The following RIMS2 variants were observed in gnomAD, a reference collection of about 807,000 sequenced individuals.
The protein encoded by RIMS2 is regulating synaptic membrane exocytosis 2, also known as regulating synaptic membrane exocytosis protein 2.
A neutral mutation model predicts 174.4 loss-of-function variants in RIMS2; 59 were observed. The ratio of observed to expected loss-of-function variants is 0.34; its 90% confidence interval spans 0.27 to 0.42. The LOEUF is 0.42. Ranked by LOEUF, RIMS2 falls within the 10% of genes least tolerant of loss-of-function variation. The probability of loss-of-function intolerance (pLI) is 1.00; values close to 1 mark genes in which losing one functional copy is unlikely to be tolerated. For missense variants in RIMS2, 1,620 were observed against 1,666.3 expected (o/e 0.97, Z 0.48); for synonymous variants, 606 against 572.5 (o/e 1.06, Z -0.84).
At chr8:103,842,969 C>A (rs2098948965) in intron 3 of RIMS2, among the ~76,000 whole-genome samples, 1 of 152,190 alleles carries the variant, frequency 6.6e-6, no homozygotes, top group Non-Finnish European at 1.5e-5. Context: ...TCTTTGTACA[C>A]AATCCTTAGT....
exon 1 of RIMS2, chr8:103,501,009 G>T: frequency 6.2e-7 from 1 of 1,611,524 alleles, no homozygotes; most frequent in Non-Finnish European, 8.5e-7. Flanking sequence ...AAATCATCCT[G>T]GCCGTCATGG....
chr8:103,678,925 CAT>C (rs1469867669), intron 1 of RIMS2, among the ~76,000 whole-genome samples: 1 of 151,832 alleles, frequency 6.6e-6, no homozygotes, highest in Non-Finnish European at 1.5e-5. Flanking sequence ...AATGCCGACA[CAT>C]GTTTTTAGGT....
intron 3 of RIMS2, among the ~76,000 whole-genome samples, chr8:103,830,884 C>G (rs762182773): frequency 6.6e-6 from 1 of 152,170 alleles, no homozygotes; most frequent in Non-Finnish European, 1.5e-5. Flanking sequence ...CCTTGGCTCA[C>G]CACAGCCTCA....
intron 19 of RIMS2, among the ~76,000 whole-genome samples, chr8:104,225,901 A>T (rs1352252806): frequency 6.6e-6 from 1 of 152,208 alleles, no homozygotes; most frequent in Non-Finnish European, 1.5e-5. Flanking sequence ...AGAAATCTTA[A>T]CTTTTTTCTT....
At chr8:103,635,338 G>T (rs1355440335) in intron 1 of RIMS2, among the ~76,000 whole-genome samples, 1 of 152,214 alleles carries the variant, frequency 6.6e-6, no homozygotes, top group Non-Finnish European at 1.5e-5. Flanking sequence ...TCTGTCCAGG[G>T]AGTTGCTGAG....
At chr8:103,684,027 T>C (rs1028193549) in intron 1 of RIMS2, among the ~76,000 whole-genome samples, 1 of 152,238 alleles carries the variant, frequency 6.6e-6, no homozygotes. Context: ...ATTTACTGGC[T>C]GACTTTAGGT....
chr8:103,606,425 G>A (rs2095084785), intron 1 of RIMS2, among the ~76,000 whole-genome samples: 1 of 151,990 alleles, frequency 6.6e-6, no homozygotes, highest in African/African-American at 2.4e-5. Context: ...TTCCAAGTAT[G>A]TGGTCAATTT....
At chr8:103,711,619 G>T (rs1192774916) in intron 2 of RIMS2, among the ~76,000 whole-genome samples, 1 of 152,154 alleles carries the variant, frequency 6.6e-6, no homozygotes, top group African/African-American at 2.4e-5. Context: ...TATCAGGCAG[G>T]TGCGGTGGCT....
chr8:103,659,525 G>A (rs561690082), intron 1 of RIMS2, among the ~76,000 whole-genome samples: 8 of 152,234 alleles, frequency 5.3e-5, no homozygotes, highest in Admixed American at 1.3e-4. Context: ...TGTTGGAGCC[G>A]GCCCCGGAGG....
intron 3 of RIMS2, among the ~76,000 whole-genome samples, chr8:103,877,926 T>C (rs901831060): frequency 1.3e-5 from 2 of 150,724 alleles, no homozygotes; most frequent in Non-Finnish European, 2.9e-5. Flanking sequence ...TGTTTTGTAG[T>C]TCTACTTGTA....
At chr8:104,004,605 A>C (rs1156463645) in intron 17 of RIMS2, among the ~76,000 whole-genome samples, 4 of 152,194 alleles carry the variant, frequency 2.6e-5, no homozygotes, top group Non-Finnish European at 4.4e-5. Context: ...ATTAGATAGC[A>C]TATGTGATAT....
chr8:104,189,416 T>G (rs1010030642), intron 19 of RIMS2, among the ~76,000 whole-genome samples: 20 of 151,778 alleles, frequency 1.3e-4, no homozygotes, highest in Non-Finnish European at 2.2e-4. Flanking sequence ...CTGCACTCAC[T>G]TAGGTGTGTC....
At chr8:104,045,651 G>A (rs951156056) in intron 19 of RIMS2, among the ~76,000 whole-genome samples, 1 of 151,752 alleles carries the variant, frequency 6.6e-6, no homozygotes, top group Non-Finnish European at 1.5e-5. Flanking sequence ...TGTCAGCTAT[G>A]TTTCTCACCA....
At chr8:103,721,712 C>G (rs940897751) in intron 2 of RIMS2, among the ~76,000 whole-genome samples, 1 of 152,156 alleles carries the variant, frequency 6.6e-6, no homozygotes, top group African/African-American at 2.4e-5. Flanking sequence ...AATACCATTC[C>G]ATCCAATCTA....
At chr8:103,645,935 G>A (rs2096320990) in intron 1 of RIMS2, among the ~76,000 whole-genome samples, 1 of 152,160 alleles carries the variant, frequency 6.6e-6, no homozygotes. Context: ...GTGCAGGTGG[G>A]CTGAGTCTGA....
intron 19 of RIMS2, among the ~76,000 whole-genome samples, chr8:104,142,729 G>A (rs2098595966): frequency 1.3e-5 from 2 of 152,052 alleles, no homozygotes; most frequent in Non-Finnish European, 2.9e-5. Flanking sequence ...CTATAATCAA[G>A]GCAGATGTTT....
At chr8:103,571,360 T>G (rs921225821) in intron 1 of RIMS2, among the ~76,000 whole-genome samples, 1 of 152,298 alleles carries the variant, frequency 6.6e-6, no homozygotes, top group South Asian at 2.1e-4. Context: ...TTTCCCACCT[T>G]AACACACACA....
chr8:103,778,749 T>A (rs2098348168), intron 3 of RIMS2, among the ~76,000 whole-genome samples: 1 of 152,194 alleles, frequency 6.6e-6, no homozygotes, highest in African/African-American at 2.4e-5. Context: ...TTAATTTCAT[T>A]TCTTTTGGAT....
chr8:103,752,103 C>A (rs1391306683), intron 2 of RIMS2, among the ~76,000 whole-genome samples: 16 of 152,220 alleles, frequency 1.1e-4, no homozygotes, highest in East Asian at 5.8e-4. Flanking sequence ...TTAAGTCTTT[C>A]ATCCATCTTG....
Sources: gnomAD v4.1 joint callset for allele counts (sites outside exome capture counted in the v4.1 genomes callset) on GRCh38, gnomAD v4.1.1 for gene constraint, MANE v1.5 for transcripts, NCBI Gene and HGNC (gene_info 2026-07-23, HGNC 2026-07-21) for gene names.